TMEM132D: variants seen among roughly 807,000 people sequenced by gnomAD.
The protein encoded by TMEM132D is transmembrane protein 132D, also known as mature OL transmembrane protein.
TMEM132D carries 21 observed loss-of-function variants against 62.3 expected under a neutral mutation model. The observed-to-expected ratio is 0.34, with a 90% confidence interval of 0.24 to 0.49. TMEM132D has a LOEUF of 0.49. Among genes scored for constraint, TMEM132D ranks in the 20% least tolerant of loss-of-function variants. The pLI, the probability that TMEM132D is intolerant of heterozygous loss-of-function variation, is 0.99. For synonymous variants in TMEM132D, 621 were observed against 575.6 expected (o/e 1.08, Z -1.13); for missense variants, 1,346 against 1,402.8 (o/e 0.96, Z 0.65).
intron 5 of TMEM132D, among the ~76,000 whole-genome samples, chr12:129,187,052 C>A (rs1358439166): frequency 2.0e-5 from 3 of 152,184 alleles, no homozygotes; most frequent in African/African-American, 7.2e-5. Context: ...CCCCTCCACC[C>A]AAGAGTATCT....
chr12:129,426,985 C>G (rs189323125), intron 3 of TMEM132D, among the ~76,000 whole-genome samples: 2 of 152,200 alleles, frequency 1.3e-5, no homozygotes, highest in Non-Finnish European at 2.9e-5. Context: ...AAGTCACTTT[C>G]CTTTACTAAA....
At chr12:129,492,488 CA>C (rs1874825943) in intron 3 of TMEM132D, among the ~76,000 whole-genome samples, 1 of 152,186 alleles carries the variant, frequency 6.6e-6, no homozygotes, top group Non-Finnish European at 1.5e-5. Context: ...AATTGGTGCA[CA>C]AAATATAACT....
At chr12:129,534,270 T>A (rs574210019) in intron 2 of TMEM132D, among the ~76,000 whole-genome samples, 90 of 152,268 alleles carry the variant, frequency 5.9e-4, no homozygotes, top group Admixed American at 1.5e-3. Context: ...TGCTTAATAA[T>A]ATATCTACCA....
intron 3 of TMEM132D, among the ~76,000 whole-genome samples, chr12:129,496,160 G>C (rs963795868): frequency 4.6e-5 from 7 of 152,160 alleles, no homozygotes; most frequent in African/African-American, 1.7e-4. Flanking sequence ...TCTTGAGTGA[G>C]TTTATTAAGT....
chr12:129,271,011 G>A (rs773540674), intron 4 of TMEM132D, among the ~76,000 whole-genome samples: 6 of 152,194 alleles, frequency 3.9e-5, no homozygotes, highest in Admixed American at 6.5e-5. Flanking sequence ...CCTCAAAGGC[G>A]TTATTGTTAG....
At chr12:129,510,258 C>T (rs1044809042) in intron 3 of TMEM132D, among the ~76,000 whole-genome samples, 6 of 152,110 alleles carry the variant, frequency 3.9e-5, no homozygotes. Context: ...ATTTGTATGA[C>T]TTCTCTTGAG....
intron 4 of TMEM132D, among the ~76,000 whole-genome samples, chr12:129,246,449 T>C (rs1169135029): frequency 6.6e-6 from 1 of 152,028 alleles, no homozygotes; most frequent in Admixed American, 6.5e-5. Flanking sequence ...ACTCAACAGG[T>C]CACAGATGAA....
intron 4 of TMEM132D, among the ~76,000 whole-genome samples, chr12:129,254,298 C>T (rs1880346384): frequency 6.6e-6 from 1 of 152,196 alleles, no homozygotes; most frequent in African/African-American, 2.4e-5. Flanking sequence ...ACATTGTAAA[C>T]CAGTATCAAT....
intron 4 of TMEM132D, among the ~76,000 whole-genome samples, chr12:129,233,843 T>C (rs1010652507): frequency 2.7e-5 from 4 of 150,934 alleles, no homozygotes; most frequent in Non-Finnish European, 5.9e-5. Context: ...ATTGGGTCTC[T>C]GTTTTCAAGG....
chr12:129,346,792 G>A (rs1008535485), intron 3 of TMEM132D, among the ~76,000 whole-genome samples: 2 of 152,094 alleles, frequency 1.3e-5, no homozygotes, highest in African/African-American at 2.4e-5. Flanking sequence ...TGACATGATT[G>A]TATATTTAGA....
intron 2 of TMEM132D, among the ~76,000 whole-genome samples, chr12:129,694,645 C>G (rs1369747169): frequency 6.6e-6 from 1 of 152,184 alleles, no homozygotes; most frequent in African/African-American, 2.4e-5. Context: ...AAACACTGAG[C>G]TGTAACCAAT....
chr12:129,090,301 A>T (rs555667586), intron 5 of TMEM132D, among the ~76,000 whole-genome samples: 2 of 152,164 alleles, frequency 1.3e-5, no homozygotes, highest in Non-Finnish European at 2.9e-5. Flanking sequence ...TGTCTTTAAT[A>T]TGAGGCTTTT....
chr12:129,240,308 T>C (rs186377496), intron 4 of TMEM132D, among the ~76,000 whole-genome samples: 68 of 152,326 alleles, frequency 4.5e-4, no homozygotes, highest in African/African-American at 1.5e-3. Context: ...TTATTGCTAA[T>C]ATAAGTTTGT....
intron 4 of TMEM132D, among the ~76,000 whole-genome samples, chr12:129,230,428 G>A (rs570838176): frequency 6.6e-4 from 101 of 152,362 alleles, no homozygotes; most frequent in African/African-American, 2.3e-3. Flanking sequence ...AAATCATGGG[G>A]ACTTGGAGAA....
At chr12:129,435,094 A>G (rs2135718262) in intron 3 of TMEM132D, among the ~76,000 whole-genome samples, 1 of 152,192 alleles carries the variant, frequency 6.6e-6, no homozygotes, top group South Asian at 2.1e-4. Context: ...GGCTTATTTC[A>G]CTGACTATTG....
At chr12:129,513,162 G>T (rs1875544714) in intron 3 of TMEM132D, among the ~76,000 whole-genome samples, 1 of 152,148 alleles carries the variant, frequency 6.6e-6, no homozygotes, top group Non-Finnish European at 1.5e-5. Flanking sequence ...TTCTGGTGAG[G>T]GTTTTGATGT....
chr12:129,600,997 C>T (rs1279739973), intron 2 of TMEM132D, among the ~76,000 whole-genome samples: 2 of 152,142 alleles, frequency 1.3e-5, no homozygotes, highest in Non-Finnish European at 2.9e-5. Flanking sequence ...GACTTCTCCT[C>T]TCTAGCTATG....
chr12:129,845,256 A>G (rs977610799), intron 1 of TMEM132D, among the ~76,000 whole-genome samples: 5 of 152,198 alleles, frequency 3.3e-5, no homozygotes, highest in African/African-American at 9.7e-5. Context: ...TCAAAACAAC[A>G]CTTCCCTATA....
At chr12:129,809,555 T>G (rs1376676744) in intron 1 of TMEM132D, among the ~76,000 whole-genome samples, 2 of 152,108 alleles carry the variant, frequency 1.3e-5, no homozygotes, top group African/African-American at 4.8e-5. Context: ...TGCGCTAAGA[T>G]TTAGCTTCTA....
Sources: gnomAD v4.1 joint callset for allele counts (sites outside exome capture counted in the v4.1 genomes callset) on GRCh38, gnomAD v4.1.1 for gene constraint, MANE v1.5 for transcripts, NCBI Gene and HGNC (gene_info 2026-07-23, HGNC 2026-07-21) for gene names.